Variants in ADH1B observed in about 807,000 individuals in gnomAD.
The protein encoded by ADH1B is all-trans-retinol dehydrogenase [NAD(+)] ADH1B.
ADH1B carries 29 observed loss-of-function variants against 34.6 expected under a neutral mutation model. The ratio of observed to expected loss-of-function variants is 0.84; its 90% confidence interval spans 0.62 to 1.14. ADH1B has a LOEUF of 1.14. Ranked by LOEUF, ADH1B falls within the 50% of genes most tolerant of loss-of-function variation. ADH1B has a pLI of 0.00. For missense variants in ADH1B, 424 were observed against 468.4 expected (o/e 0.91, Z 0.87); for synonymous variants, 170 against 175.5 (o/e 0.97, Z 0.25).
At chr4:99,320,282 GT>G (rs1733989906) in intron 1 of ADH1B, 1 of 152,112 alleles carries the variant, frequency 6.6e-6, no homozygotes, top group South Asian at 2.1e-4. Flanking sequence ...CCACTTTTAA[GT>G]GAGAACATTG....
rs748144394 is a variant in ADH1B, at chr4:99,314,134, C to A, written c.568-53G>T. Reference sequence around the variant, plus strand: ...ATTAAGTGATGATTGTTAGAAAGTGCCTAAGCTTCATAAAGTGCCATGCGT... The same window carrying A: ...ATTAAGTGATGATTGTTAGAAAGTGACTAAGCTTCATAAAGTGCCATGCGT... On this transcript the variant is annotated intron_variant, in intron 5 of 8. Transcript: ENST00000305046. 1.7e-5 allele frequency: 27 copies of A among 1,596,068 alleles called. 1 individual carries two copies. Among genetic ancestry groups the A allele is most frequent in the Non-Finnish European group, 2.3e-5 (27 of 1,170,254 alleles).
chr4:99,315,930 T>G lies in ADH1B; in HGVS notation c.535A>C (p.Thr179Pro), dbSNP rs773537187. Reference protein sequence around the residue: ...KVCLIGCGFSTGYGSAVNVAK... With the variant: ...KVCLIGCGFSPGYGSAVNVAK... ...ACGTTAACTGCAGACCCATAACCAG[T>G]CGAGAATCCACAGCCAATGAGGCAG... is the stretch of plus-strand genomic sequence containing the variant. Residue 179 changes from threonine to proline, a missense_variant, in exon 5 of 9, where the codon ACT becomes CCT. Physicochemically the swap from Thr to Pro is conservative, Grantham distance 38 (BLOSUM62 -1). Coordinates refer to ENST00000305046, the MANE Select transcript of ADH1B (RefSeq NM_000668.6). The G allele has an allele frequency of 2.0e-5, 33 of 1,614,104 alleles. No homozygotes were observed. In the Admixed American group the frequency reaches 5.3e-4, roughly 26 times the overall value.
intron 8 of ADH1B, among the ~76,000 whole-genome samples, chr4:99,308,129 G>A (rs922021000): frequency 2.0e-5 from 3 of 151,764 alleles, no homozygotes; most frequent in Non-Finnish European, 2.9e-5. Flanking sequence ...TTCTACATTA[G>A]CATCTTCAAA....
In ADH1B at chr4:99,318,887, C is replaced by T; in HGVS notation, c.19-1G>A. The T allele has an allele frequency of 6.2e-7, 1 of 1,612,882 alleles. No individual in the cohort carries two copies. The highest frequency in any genetic ancestry group is 8.5e-7 in the Non-Finnish European group (1 of 1,178,982). On this transcript the variant is annotated splice_acceptor_variant, in intron 1 of 8. Transcript: ENST00000305046. LOFTEE classifies it high-confidence loss of function. Reference sequence around the variant, plus strand: ...GCACAGCTGCTTTGCATTTGATTACCTAGAAAATCAAACAGAGAGATGGTG... The same window carrying T: ...GCACAGCTGCTTTGCATTTGATTACTTAGAAAATCAAACAGAGAGATGGTG...
At position 99,318,026 on chromosome 4, in the gene ADH1B, C is replaced by T. The variant is rs998106868; in HGVS notation, c.259+20G>A. On this transcript the variant is annotated intron_variant, in intron 3 of 8. Transcript: ENST00000305046. ...CCTGGATGGTGAACCACACGTGTTCCCTGAGTGTGAATCCTGTACCTGGTT... is the reference window on the plus strand; with the variant it reads ...CCTGGATGGTGAACCACACGTGTTCTCTGAGTGTGAATCCTGTACCTGGTT... The T allele has an allele frequency of 1.2e-6, 2 of 1,612,992 alleles. No homozygotes were observed. The highest frequency in any genetic ancestry group is 1.3e-5 in the African/African-American group (1 of 74,856).
At chr4:99,310,627 G>GA in intron 8 of ADH1B, 138 bp downstream of exon 8, 1 of 1,187,920 alleles carries the variant, frequency 8.4e-7, no homozygotes. Flanking sequence ...TCCTACATAC[G>GA]CTCCATGCAA....
chr4:99,318,483 T>C, intron 2 of ADH1B: 1 of 515,254 alleles, frequency 1.9e-6, no homozygotes, highest in African/African-American at 2.0e-5. Context: ...AATAGCAAAG[T>C]AACACATGGA....
intron 3 of ADH1B, chr4:99,316,793 G>A (rs1733896637): frequency 6.6e-6 from 1 of 151,870 alleles, no homozygotes. Flanking sequence ...ACTTTTCAAA[G>A]TGACTATGCT....
At position 99,307,524 on chromosome 4, in the gene ADH1B, A is replaced by G. The variant is rs900369458; in HGVS notation, c.*316T>C. The G allele has an allele frequency of 2.5e-6, 1 of 393,872 alleles. No homozygotes were observed. The highest frequency in any genetic ancestry group is 4.6e-6 in the Non-Finnish European group (1 of 215,376). 24.4% of individuals were successfully genotyped at this position (393,872 alleles called of 1,614,324 possible). ...GATTCGATGACTAAAGATTATGAAG[A>G]TACCAAAAATGCAAGAAGTCACAGG... is the stretch of plus-strand genomic sequence containing the variant. On this transcript the variant is annotated 3_prime_UTR_variant, in exon 9 of 9. Coordinates refer to ENST00000305046, the MANE Select transcript of ADH1B (RefSeq NM_000668.6).
At chr4:99,310,965 G>A in intron 7 of ADH1B, 62 bp from the exon 8 acceptor site, 2 of 1,571,246 alleles carry the variant, frequency 1.3e-6, no homozygotes, top group South Asian at 1.2e-5. Context: ...TTGAAGAGAA[G>A]ATTTTCCAAA....
rs760601299 is a variant in ADH1B at position 99,314,062 on chromosome 4, C to G, written c.587G>C (p.Cys196Ser). Residue 196 changes from cysteine (C) to serine (S), a missense_variant, in exon 6 of 9, where the codon TGT (cysteine) becomes TCT (serine). This residue lies in a region of ADH1B where 291 missense variants were observed against 300.4 expected (regional missense o/e 0.97). Transcript: ENST00000305046. Reference protein sequence around the residue: ...NVAKVTPGSTCAVFGLGGVGL... With the variant: ...NVAKVTPGSTSAVFGLGGVGL... Reference sequence around the variant, plus strand: ...GACCCCTCCCAGGCCAAACACAGCACAGGTAGAGCCTGGGGTGACCTGTGT... The same window carrying G: ...GACCCCTCCCAGGCCAAACACAGCAGAGGTAGAGCCTGGGGTGACCTGTGT... 4 of 1,614,196 alleles carry G rather than the reference C, an allele frequency of 2.5e-6. No individual in the cohort carries two copies. The South Asian group carries it at 4.4e-5, about 18-fold the overall frequency.
chr4:99,320,004 G>A (rs573228414), intron 1 of ADH1B: 1 of 152,048 alleles, frequency 6.6e-6, no homozygotes, highest in Admixed American at 6.6e-5. Context: ...GACCTGTGCT[G>A]GGTAAATTAC....
rs1224474892 is a variant in ADH1B at position 99,307,847 on chromosome 4, G to A, written c.1121C>T (p.Thr374Met). 9.3e-6 allele frequency: 15 copies of A among 1,613,754 alleles called. No individual in the cohort carries two copies. Among genetic ancestry groups the A allele is most frequent in the South Asian group, 3.3e-5 (3 of 91,066 alleles). Residue 374 changes from threonine (T) to methionine (M), a missense_variant, in exon 9 of 9, where the codon ACG (threonine) becomes ATG (methionine). By Grantham distance (81) the Thr-to-Met change is moderately conservative (BLOSUM62 -1). This residue lies in a region of ADH1B where 130 missense variants were observed against 151.8 expected (regional missense o/e 0.86). Transcript: ENST00000305046. ...GAAGGCATCTCTATTGCCTCAAAAC[G>A]TCAGGACGGTACGGATACTGCAATA... ...HSGKSIRTVL[T>M]F
intron 3 of ADH1B, chr4:99,317,349 T>C (rs1467918079): frequency 6.6e-6 from 1 of 152,222 alleles, no homozygotes; most frequent in African/African-American, 2.4e-5. Context: ...TTTACATTAA[T>C]ACATAAGTTT....
At chr4:99,318,301 CCCTACTATT>C (rs1733939493) in intron 2 of ADH1B, 117 bp from the exon 3 acceptor site, 1 of 1,310,182 alleles carries the variant, frequency 7.6e-7, no homozygotes, top group African/African-American at 1.5e-5. Flanking sequence ...TGCTACTAAT[CCCTACTATT>C]CCTAAATATG....
intron 7 of ADH1B, among the ~76,000 whole-genome samples, 194 bp from the exon 8 acceptor site, chr4:99,311,097 G>A (rs951838286): frequency 6.6e-6 from 1 of 152,110 alleles, no homozygotes; most frequent in African/African-American, 2.4e-5. Context: ...GATAAACGAA[G>A]GTTCTTAGTT....
intron 5 of ADH1B, chr4:99,315,051 A>T (rs1733844677): frequency 6.6e-6 from 1 of 152,230 alleles, no homozygotes. Flanking sequence ...ACTTAGAAAA[A>T]CACAAGACTT....
chr4:99,320,881 A>C, intron 1 of ADH1B: 1 of 1,267,178 alleles, frequency 7.9e-7, no homozygotes. Flanking sequence ...TCTGAGTCAA[A>C]TTCCTCTCAT....
In ADH1B at chr4:99,305,571, A is replaced by G. The variant is rs1423354215; in HGVS notation, c.*2269T>C. The stretch of plus-strand genomic sequence containing the variant: ...CACTTGCCCCATAGTGTATATATAT[A>G]TATATATATATATATATATATATAT... On this transcript the variant is annotated 3_prime_UTR_variant, in exon 9 of 9. Coordinates refer to ENST00000305046, the MANE Select transcript of ADH1B (RefSeq NM_000668.6). 0.047 allele frequency: 1,890 copies of G among 40,636 alleles called. 258 individuals are homozygous for G. The highest frequency in any genetic ancestry group is 0.14 in the African/African-American group (1,754 of 12,782). 2.5% of individuals were successfully genotyped at this position (40,636 alleles called of 1,614,324 possible). A position where few individuals can be genotyped will look rare whatever the true frequency, so the allele number is the denominator to read the frequency against.
Sources: gnomAD v4.1 joint callset for allele counts (sites outside exome capture counted in the v4.1 genomes callset) on GRCh38, gnomAD v4.1.1 for gene constraint, gnomAD v4.1.1 regional missense constraint, MANE v1.5 for transcripts, NCBI Gene and HGNC (gene_info 2026-07-23, HGNC 2026-07-21) for gene names.